The following RBPJ variants were observed in gnomAD, a reference collection of about 807,000 sequenced individuals.
RBPJ encodes recombination signal binding protein for immunoglobulin kappa J region.
A neutral mutation model predicts 67.8 loss-of-function variants in RBPJ; 9 were observed. The ratio of observed to expected loss-of-function variants is 0.13; its 90% CI spans 0.08 to 0.23. RBPJ has a LOEUF of 0.23. Among genes scored for constraint, RBPJ ranks in the 10% least tolerant of loss-of-function variants. The probability of loss-of-function intolerance (pLI) is 1.00; values close to 1 mark genes in which losing one functional copy is unlikely to be tolerated. For missense variants in RBPJ, 305 were observed against 595.6 expected, an observed-to-expected ratio of 0.51 and a Z score of 5.08; for synonymous variants, 198 against 203.3, an observed-to-expected ratio of 0.97 and a Z score of 0.22.
chr4:26,149,189 G>A, the RBPJ span, among the ~76,000 whole-genome samples: 1 of 152,184 alleles, frequency 6.6e-6, no homozygotes, highest in Non-Finnish European at 1.5e-5. Flanking sequence ...ACATTGTTGA[G>A]GGCTGAGAAG....
chr4:26,416,678 T>C (rs971513171), intron 4 of RBPJ, among the ~76,000 whole-genome samples: 2 of 152,254 alleles, frequency 1.3e-5, no homozygotes, highest in African/African-American at 4.8e-5. Context: ...AACAGCTGTT[T>C]CATTATTTGA....
At chr4:26,289,384 CAAAAAAAAAAA>C (rs60159669) in intron 1 of RBPJ, among the ~76,000 whole-genome samples, 3 of 78,338 alleles carry the variant, frequency 3.8e-5, no homozygotes, top group South Asian at 4.4e-4. Flanking sequence ...GACTTGGTCT[CAAAAAAAAAAA>C]AAAAAAAAAA....
rs139209253 is a variant in RBPJ at position 26,216,722 on chromosome 4, C to A, written c.-167+53108C>A. 3.9e-5 allele frequency among the ~76,000 whole-genome samples: 6 copies of A among 152,094 alleles called. No homozygotes were observed. The East Asian group carries it at 1.2e-3, about 29-fold the overall frequency. On this transcript the variant is annotated intron_variant, in intron 1 of 4. Transcript: ENST00000512351. ...TGGATCACTTAAGCCTGGGAGTTTG[C>A]GAGCAACCTAGGCAACATGGCAAAA...
At position 26,199,411 on chromosome 4, in the gene RBPJ, A is replaced by G. The variant is rs373649376; in HGVS notation, c.-167+35797A>G. On this transcript the variant is annotated intron_variant, in intron 1 of 4. Coordinates refer to the RBPJ transcript ENST00000512351. The stretch of plus-strand genomic sequence containing the variant: ...GACAGTGAGGAAAGAAAAGGTTGAT[A>G]AGAGAACAAGTTAACTGCGAGATAA... Among the ~76,000 whole-genome samples the G allele has an allele frequency of 3.9e-4, 59 of 152,338 alleles. 1 individual carries two copies. The highest frequency in any genetic ancestry group is 1.4e-3 in the African/African-American group (58 of 41,582).
At position 26,434,571 on chromosome 4, in the gene RBPJ, G is replaced by A. The variant is rs1428620528; in HGVS notation, c.*3564G>A. On this transcript the variant is annotated 3_prime_UTR_variant, in exon 11 of 11. Transcript: ENST00000355476. The stretch of plus-strand genomic sequence containing the variant: ...GAAACAATAATATATTAGGGTTTCT[G>A]TTTAACCCTTTCAGGACTGAACTGT... 3 of 152,188 alleles carry A rather than the reference G, an allele frequency of 2.0e-5. No homozygotes were observed. The highest frequency in any genetic ancestry group is 7.2e-5 in the African/African-American group (3 of 41,460). 9.4% of individuals were successfully genotyped at this position (152,188 alleles called of 1,614,324 possible).
chr4:26,289,384 C>CAAAAAAAAAAAAAAAAAAAAAAAAAA (rs60159669), intron 1 of RBPJ, among the ~76,000 whole-genome samples: 9 of 78,338 alleles, frequency 1.1e-4, no homozygotes, highest in African/African-American at 3.4e-4. Context: ...GACTTGGTCT[C>CAAAAAAAAAAAAAAAAAAAAAAAAAA]AAAAAAAAAA....
At chr4:26,179,162 G>A (rs1358310545) in intron 1 of RBPJ, among the ~76,000 whole-genome samples, 2 of 151,970 alleles carry the variant, frequency 1.3e-5, no homozygotes, top group Admixed American at 6.6e-5. Context: ...GGTAGCTGAT[G>A]ACAGACTCCT....
chr4:26,375,793 G>A (rs1729664184), intron 1 of RBPJ, among the ~76,000 whole-genome samples: 1 of 152,204 alleles, frequency 6.6e-6, no homozygotes, highest in African/African-American at 2.4e-5. Flanking sequence ...AGCAAGTCAG[G>A]GGAAAGGGAT....
intron 3 of RBPJ, among the ~76,000 whole-genome samples, chr4:26,414,412 G>T (rs377657153): frequency 6.6e-6 from 1 of 151,196 alleles, no homozygotes; most frequent in Admixed American, 6.6e-5. Context: ...CAAGCAGTCC[G>T]CCTGCCTCTG....
chr4:26,370,652 G>T (rs981244945), intron 1 of RBPJ, among the ~76,000 whole-genome samples: 2 of 152,154 alleles, frequency 1.3e-5, no homozygotes, highest in Non-Finnish European at 2.9e-5. Context: ...AAAGAACATT[G>T]CTTGTGGAGC....
chr4:26,125,487 T>C, the RBPJ span, among the ~76,000 whole-genome samples: 3 of 152,170 alleles, frequency 2.0e-5, no homozygotes, highest in African/African-American at 7.2e-5. Flanking sequence ...CAAAAAGATA[T>C]CTGGAACAGG....
chr4:26,296,990 T>A (rs933038875), intron 1 of RBPJ, among the ~76,000 whole-genome samples: 2 of 152,162 alleles, frequency 1.3e-5, no homozygotes, highest in African/African-American at 4.8e-5. Context: ...TCCAGAAAGG[T>A]CGTGTCATGT....
At chr4:26,119,447 A>C in the RBPJ span, among the ~76,000 whole-genome samples, 1 of 152,124 alleles carries the variant, frequency 6.6e-6, no homozygotes, top group Non-Finnish European at 1.5e-5. Flanking sequence ...TTCATTTTTC[A>C]GATTAGCTCC....
At chr4:26,191,228 GAGAGAGAGAGAGAT>G (rs1195902642) in intron 1 of RBPJ, among the ~76,000 whole-genome samples, 10 of 125,504 alleles carry the variant, frequency 8.0e-5, no homozygotes, top group African/African-American at 2.8e-4. Context: ...GAGAGAGAGA[GAGAGAGAGAGAGAT>G]AGAGAGAGAG....
chr4:26,138,432 A>T, the RBPJ span, among the ~76,000 whole-genome samples: 2 of 151,828 alleles, frequency 1.3e-5, no homozygotes, highest in Admixed American at 6.6e-5. Context: ...CCAAGCCCAC[A>T]TGTTTAACTT....
intron 2 of RBPJ, among the ~76,000 whole-genome samples, chr4:26,393,650 C>T (rs1167636924): frequency 6.6e-6 from 1 of 152,204 alleles, no homozygotes; most frequent in Non-Finnish European, 1.5e-5. Context: ...GCTGGGATTA[C>T]AGGCGAGAGC....
At chr4:26,267,280 T>TAC (rs1345215093) in intron 1 of RBPJ, among the ~76,000 whole-genome samples, 1 of 152,158 alleles carries the variant, frequency 6.6e-6, no homozygotes, top group Non-Finnish European at 1.5e-5. Context: ...AAGGCTTGAC[T>TAC]ACAGTCCAGC....
intron 1 of RBPJ, among the ~76,000 whole-genome samples, chr4:26,356,394 A>T (rs1306327879): frequency 2.6e-5 from 4 of 152,224 alleles, no homozygotes; most frequent in Non-Finnish European, 4.4e-5. Context: ...GGAGTGAGAA[A>T]GTAGGAGAGT....
the RBPJ span, among the ~76,000 whole-genome samples, chr4:26,130,002 C>T: frequency 6.6e-6 from 1 of 152,090 alleles, no homozygotes; most frequent in African/African-American, 2.4e-5. Context: ...GCTGGGAGTA[C>T]AGGCGTGCAC....
Sources: allele counts gnomAD v4.1 joint callset (sites outside exome capture counted in the v4.1 genomes callset), GRCh38; gene constraint gnomAD v4.1.1; transcripts MANE v1.5; gene names NCBI Gene and HGNC (gene_info 2026-07-23, HGNC 2026-07-21).